Variants in AGBL1 observed in about 807,000 individuals in gnomAD.
AGBL1 encodes cytosolic carboxypeptidase 4.
AGBL1 carries 130 observed loss-of-function variants against 118.9 expected under a neutral mutation model. That is an observed-to-expected ratio of 1.09 (90% CI 0.95 to 1.26). AGBL1 has a LOEUF of 1.26. Ranked by LOEUF, AGBL1 falls within the 50% of genes most tolerant of loss-of-function variation. The pLI, the probability that AGBL1 is intolerant of heterozygous loss-of-function variation, is 0.00. For missense variants in AGBL1, 1,584 were observed against 1,298.1 expected (o/e 1.22, Z -3.38); for synonymous variants, 555 against 478.9 (o/e 1.16, Z -2.08).
In AGBL1 at chr15:86,620,868, T is replaced by G. The variant is rs1013519305; in HGVS notation, c.2995-53405T>G. Reference sequence around the variant, plus strand: ...CTAAATCCGACTTGCCGCCTGCATGTCTCTCTTCACGGCTCTTTTTCAAGT... The same window carrying G: ...CTAAATCCGACTTGCCGCCTGCATGGCTCTCTTCACGGCTCTTTTTCAAGT... On this transcript the variant is annotated intron_variant, in intron 21 of 22. Transcript: ENST00000614907. Among the ~76,000 whole-genome samples, 13 of 152,204 alleles carry G rather than the reference T, an allele frequency of 8.5e-5. No homozygotes were observed. The East Asian group carries it at 2.5e-3, about 29-fold the overall frequency.
chr15:86,356,981 A>G (rs1448006221), intron 17 of AGBL1, among the ~76,000 whole-genome samples: 1 of 152,228 alleles, frequency 6.6e-6, no homozygotes, highest in Non-Finnish European at 1.5e-5. Context: ...ATGTTGCCTG[A>G]GAATAACCTT....
At chr15:86,340,047 T>C (rs1228436480) in intron 17 of AGBL1, among the ~76,000 whole-genome samples, 1 of 152,244 alleles carries the variant, frequency 6.6e-6, no homozygotes, top group Non-Finnish European at 1.5e-5. Context: ...TCATTTCTTC[T>C]GAAGCATTTT....
At chr15:86,829,485 G>A (rs74027126) in intron 22 of AGBL1, among the ~76,000 whole-genome samples, 2 of 152,038 alleles carry the variant, frequency 1.3e-5, no homozygotes, top group Non-Finnish European at 2.9e-5. Context: ...CCTAATTAGA[G>A]AGTCACAGTT....
rs548602232 is a variant in AGBL1 at position 86,421,625 on chromosome 15, C to A, written c.2555+24079C>A. Among the ~76,000 whole-genome samples, 4 of 152,236 alleles carry A rather than the reference C, an allele frequency of 2.6e-5. No individual in the cohort carries two copies. In the East Asian group the frequency reaches 5.8e-4, roughly 22 times the overall value. On this transcript the variant is annotated intron_variant, in intron 18 of 22. Transcript: ENST00000614907. Reference sequence around the variant, plus strand: ...AATATTAACCTTAAATGTAAATGGGCTAAATGCCCCAATTAAAAGACAAAG... The same window carrying A: ...AATATTAACCTTAAATGTAAATGGGATAAATGCCCCAATTAAAAGACAAAG...
chr15:86,783,547 C>A (rs1472373405), intron 22 of AGBL1, among the ~76,000 whole-genome samples: 2 of 152,196 alleles, frequency 1.3e-5, no homozygotes, highest in African/African-American at 2.4e-5. Flanking sequence ...GCAGGACTCC[C>A]TGCCATTGGC....
At chr15:86,547,218 CTAGTT>C in intron 20 of AGBL1, among the ~76,000 whole-genome samples, 1 of 152,236 alleles carries the variant, frequency 6.6e-6, no homozygotes, top group East Asian at 1.9e-4. Context: ...ATTTAGGAAA[CTAGTT>C]TAGTAAATTA....
intron 17 of AGBL1, among the ~76,000 whole-genome samples, chr15:86,337,399 A>G (rs1427390411): frequency 1.3e-5 from 2 of 152,352 alleles, no homozygotes; most frequent in Middle Eastern, 3.4e-3. Context: ...AGATGCATGC[A>G]GAATGTGTAT....
intron 18 of AGBL1, among the ~76,000 whole-genome samples, chr15:86,438,700 C>A (rs1050982988): frequency 1.6e-4 from 23 of 146,000 alleles, no homozygotes; most frequent in African/African-American, 5.9e-4. Flanking sequence ...CTCGCTCTGT[C>A]ACCCAGGCTG....
chr15:86,863,288 C>T (rs530652211), intron 22 of AGBL1, among the ~76,000 whole-genome samples: 2 of 152,304 alleles, frequency 1.3e-5, no homozygotes, highest in East Asian at 1.9e-4. Context: ...GAACATTTGA[C>T]ATTCACCCCT....
intron 1 of AGBL1, among the ~76,000 whole-genome samples, chr15:86,115,180 T>C (rs937759821): frequency 2.0e-5 from 3 of 152,192 alleles, no homozygotes; most frequent in African/African-American, 7.2e-5. Flanking sequence ...TTGAGCCATC[T>C]AGGTAGCATT....
intron 17 of AGBL1, among the ~76,000 whole-genome samples, chr15:86,385,839 A>G: frequency 6.6e-6 from 1 of 152,062 alleles, no homozygotes; most frequent in South Asian, 2.1e-4. Context: ...GAAGCACAGA[A>G]CTGTTTTATT....
At chr15:86,931,356 T>G (rs1272194804) in intron 23 of AGBL1, among the ~76,000 whole-genome samples, 3 of 152,148 alleles carry the variant, frequency 2.0e-5, no homozygotes, top group Admixed American at 6.5e-5. Context: ...AGAGGTCAGG[T>G]CTTCAGAGTG....
At chr15:86,215,210 A>AGT (rs1229952974) in intron 5 of AGBL1, among the ~76,000 whole-genome samples, 5 of 99,308 alleles carry the variant, frequency 5.0e-5, no homozygotes, top group Non-Finnish European at 1.1e-4. Flanking sequence ...TGTGTGTGTG[A>AGT]GTGTATATGT....
At chr15:86,744,617 G>C (rs969365453) in intron 22 of AGBL1, among the ~76,000 whole-genome samples, 1 of 152,138 alleles carries the variant, frequency 6.6e-6, no homozygotes, top group Non-Finnish European at 1.5e-5. Flanking sequence ...AAGGCAAGAA[G>C]GGAGACATTC....
At chr15:86,320,440 G>A (rs2141842098) in intron 17 of AGBL1, among the ~76,000 whole-genome samples, 1 of 151,590 alleles carries the variant, frequency 6.6e-6, no homozygotes, top group Non-Finnish European at 1.5e-5. Flanking sequence ...AAATGTGATG[G>A]ATTTTTCTAT....
intron 5 of AGBL1, among the ~76,000 whole-genome samples, chr15:86,172,964 C>T (rs2077435548): frequency 6.6e-6 from 1 of 152,048 alleles, no homozygotes; most frequent in Non-Finnish European, 1.5e-5. Context: ...TAGATTCTGA[C>T]TAACAGGCTA....
chr15:86,843,094 A>T (rs62032584), intron 22 of AGBL1, among the ~76,000 whole-genome samples: 1 of 152,074 alleles, frequency 6.6e-6, no homozygotes, highest in Non-Finnish European at 1.5e-5. Context: ...CTCTCACTCA[A>T]AACTACAGAT....
chr15:86,978,820 A>G (rs1485089546), intron 23 of AGBL1, among the ~76,000 whole-genome samples: 1 of 152,208 alleles, frequency 6.6e-6, no homozygotes, highest in Non-Finnish European at 1.5e-5. Context: ...ATGTCTTGTC[A>G]TCAGCCTATT....
intron 18 of AGBL1, among the ~76,000 whole-genome samples, chr15:86,429,441 A>T (rs992979825): frequency 2.0e-5 from 3 of 152,228 alleles, no homozygotes; most frequent in Non-Finnish European, 2.9e-5. Flanking sequence ...TAAAAGTTTT[A>T]AAAAATGCAT....
Sources: gnomAD v4.1 joint callset for allele counts (sites outside exome capture counted in the v4.1 genomes callset) on GRCh38, gnomAD v4.1.1 for gene constraint, MANE v1.5 for transcripts, NCBI Gene and HGNC (gene_info 2026-07-23, HGNC 2026-07-21) for gene names.